Variants in TNRC6B observed in about 807,000 individuals in gnomAD.
TNRC6B encodes trinucleotide repeat containing adaptor 6B, also known as trinucleotide repeat-containing gene 6B protein.
TNRC6B carries 52 observed loss-of-function variants against 203.6 expected under a neutral mutation model. The ratio of observed to expected loss-of-function variants is 0.26; its 90% CI spans 0.20 to 0.32. The LOEUF is 0.32. Among genes scored for constraint, TNRC6B ranks in the 10% least tolerant of loss-of-function variants. The pLI is 1.00. For missense variants in TNRC6B, 1,923 were observed against 2,286.2 expected, an observed-to-expected ratio of 0.84 and a Z score of 3.24; for synonymous variants, 838 against 845.7, an observed-to-expected ratio of 0.99 and a Z score of 0.16.
In TNRC6B at chr22:40,261,954, C is replaced by T; in HGVS notation, c.238C>T (p.Pro80Ser). ...AAGGGTGGCAGTGCCGAACGGACAACCGCCAAGCGCCGCCCGCTACATGCC... is the reference window on the plus strand; with the variant it reads ...AAGGGTGGCAGTGCCGAACGGACAATCGCCAAGCGCCGCCCGCTACATGCC... ...AKRVAVPNGQ[P>S]PSAARYMPRE... Residue 80 changes from proline (P) to serine (S), a missense_variant, in exon 4 of 23, where the codon CCG (proline) becomes TCG (serine). This residue lies in a region of TNRC6B where 111 missense variants were observed against 155.3 expected (regional missense o/e 0.71). Coordinates refer to ENST00000454349, the MANE Select transcript of TNRC6B (RefSeq NM_001162501.2). 6.2e-7 allele frequency: 1 copy of T among 1,612,670 alleles called. No homozygotes were observed. The highest frequency in any genetic ancestry group is 1.3e-5 in the African/African-American group (1 of 75,034).
Position 40,160,215 on chromosome 22 carries a change from G to A in TNRC6B, c.113+4033G>A, listed in dbSNP as rs559269152. Among the ~76,000 whole-genome samples the A allele has an allele frequency of 3.0e-3, 452 of 152,122 alleles. 1 individual carries two copies. Among genetic ancestry groups the A allele is most frequent in the Non-Finnish European group, 4.7e-3 (321 of 67,992 alleles). On this transcript the variant is annotated intron_variant, in intron 4 of 23. Transcript: ENST00000301923. ...TTTTGGGCCAGGCGCGGTGACTCAC[G>A]CCTGTAATCCCAGCACTTTGGGAGG... is the stretch of plus-strand genomic sequence containing the variant.
intron 1 of TNRC6B, among the ~76,000 whole-genome samples, chr22:40,212,585 C>T (rs982581066): frequency 6.6e-6 from 1 of 152,218 alleles, no homozygotes; most frequent in African/African-American, 2.4e-5. Context: ...ATAGTGTCCT[C>T]TGTGGCTGGG....
chr22:40,132,714 C>T (rs778985513), intron 3 of TNRC6B, among the ~76,000 whole-genome samples: 73 of 148,136 alleles, frequency 4.9e-4, no homozygotes, highest in Non-Finnish European at 9.9e-4. Flanking sequence ...GAGGCCAAGG[C>T]GGGTGGATCA....
chr22:40,075,851 TC>T (rs1260670497), intron 1 of TNRC6B, among the ~76,000 whole-genome samples: 1 of 152,228 alleles, frequency 6.6e-6, no homozygotes, highest in African/African-American at 2.4e-5. Context: ...ATATGCCACT[TC>T]ATTTATAGTG....
intron 12 of TNRC6B, among the ~76,000 whole-genome samples, chr22:40,290,724 G>C (rs1259755040): frequency 6.6e-6 from 1 of 152,054 alleles, no homozygotes; most frequent in Non-Finnish European, 1.5e-5. Context: ...GCGCCTAGGA[G>C]TATAATAAGC....
Position 40,314,754 on chromosome 22 carries a change from G to T in TNRC6B, c.4679-529G>T, listed in dbSNP as rs567918586. On this transcript the variant is annotated intron_variant, in intron 19 of 22. Transcript: ENST00000454349. ...AATTGTTTCTATTCCTCACAGCACT[G>T]ATTTCGTGCCGTATGCATAGTAAGC... Among the ~76,000 whole-genome samples the T allele has an allele frequency of 1.6e-4, 25 of 152,328 alleles. 1 individual carries two copies. In the South Asian group the frequency reaches 2.3e-3, roughly 14 times the overall value.
chr22:40,093,613 G>A lies in TNRC6B; in HGVS notation c.-120-23442G>A, dbSNP rs2068165540. 2.0e-5 allele frequency among the ~76,000 whole-genome samples: 3 copies of A among 152,322 alleles called. No homozygotes were observed. In the South Asian group the frequency reaches 6.2e-4, roughly 32 times the overall value. On this transcript the variant is annotated intron_variant, in intron 1 of 23. Transcript: ENST00000301923. ...TCATCGTCAAAGTGCTGGAAGAAAAGTAACCATCTGTCAAGAATGAGGGCA... is the reference window on the plus strand; with the variant it reads ...TCATCGTCAAAGTGCTGGAAGAAAAATAACCATCTGTCAAGAATGAGGGCA...
At chr22:40,173,149 G>A (rs749206781), upstream of TNRC6B, among the ~76,000 whole-genome samples, 5 of 151,652 alleles carry the variant, frequency 3.3e-5, no homozygotes, top group African/African-American at 7.3e-5. Flanking sequence ...ATGGAGTCTC[G>A]CTCTACTGGT....
At chr22:40,179,979 G>T (rs549988750) in intron 1 of TNRC6B, among the ~76,000 whole-genome samples, 1 of 152,274 alleles carries the variant, frequency 6.6e-6, no homozygotes, top group East Asian at 1.9e-4. Context: ...AATAAATACA[G>T]AAGTGACTGT....
At chr22:40,096,470 C>T (rs2068186871) in intron 1 of TNRC6B, among the ~76,000 whole-genome samples, 2 of 152,156 alleles carry the variant, frequency 1.3e-5, no homozygotes, top group South Asian at 4.1e-4. Flanking sequence ...GTGTGATAAT[C>T]TCTTTACCTT....
At chr22:40,312,188 AC>A (rs1487050136) in intron 17 of TNRC6B, among the ~76,000 whole-genome samples, 3 of 152,192 alleles carry the variant, frequency 2.0e-5, no homozygotes, top group South Asian at 2.1e-4. Flanking sequence ...TCTTGTGAAC[AC>A]CAGAGTCCTT....
chr22:40,275,105 CTCTT>C lies in TNRC6B; in HGVS notation c.3141+1511_3141+1514del, dbSNP rs541417415. 2.7e-3 allele frequency among the ~76,000 whole-genome samples: 413 copies of C among 152,306 alleles called. 4 individuals carry two copies. Among genetic ancestry groups the C allele is most frequent in the Non-Finnish European group, 4.4e-3 (301 of 68,020 alleles). ...TATAGGACACTAATTTTGTAGATGACTCTTTCTTTTATAGCATAAGAATACAGTC... is the reference window on the plus strand; with the variant it reads ...TATAGGACACTAATTTTGTAGATGACTCTTTTATAGCATAAGAATACAGTC... On this transcript the variant is annotated intron_variant, in intron 7 of 22. Coordinates refer to ENST00000454349, the MANE Select transcript of TNRC6B (RefSeq NM_001162501.2).
intron 12 of TNRC6B, among the ~76,000 whole-genome samples, chr22:40,294,549 C>T (rs2070913723): frequency 6.6e-6 from 1 of 152,168 alleles, no homozygotes; most frequent in African/African-American, 2.4e-5. Context: ...TCCCAGTGGG[C>T]ATGAATTTAT....
upstream of TNRC6B, among the ~76,000 whole-genome samples, chr22:40,173,248 C>T (rs1452049937): frequency 6.6e-6 from 1 of 152,016 alleles, no homozygotes; most frequent in African/African-American, 2.4e-5. Context: ...AGGTGCGTGC[C>T]ACCACGCCCG....
At position 40,196,530 on chromosome 22, in the gene TNRC6B, AG is replaced by A. The variant is rs149144444; in HGVS notation, c.5+18393del. On this transcript the variant is annotated intron_variant, in intron 1 of 22. Transcript: ENST00000454349. ...TTGTTGGCACCTTTATTTGGAAGTC[AG>A]GGTAGAAAAAACAGCTTATTTGTTC... Among the ~76,000 whole-genome samples the A allele has an allele frequency of 1.9e-3, 283 of 152,148 alleles. 2 individuals carry two copies. Among genetic ancestry groups the A allele is most frequent in the Non-Finnish European group, 3.0e-3 (207 of 67,954 alleles).
intron 3 of TNRC6B, among the ~76,000 whole-genome samples, chr22:40,129,748 G>A (rs2068524851): frequency 6.6e-6 from 1 of 152,208 alleles, no homozygotes; most frequent in African/African-American, 2.4e-5. Flanking sequence ...AATGGTTACA[G>A]TGTAGGTATG....
intron 1 of TNRC6B, among the ~76,000 whole-genome samples, chr22:40,193,410 C>A (rs1219201017): frequency 6.6e-6 from 1 of 152,148 alleles, no homozygotes; most frequent in Non-Finnish European, 1.5e-5. Flanking sequence ...ATGCTGGTCT[C>A]TGGGGATAAA....
In TNRC6B at chr22:40,303,871, A is replaced by G. The variant is rs961854690; in HGVS notation, c.4120+2538A>G. Among the ~76,000 whole-genome samples, 25 of 152,214 alleles carry G rather than the reference A, an allele frequency of 1.6e-4. 1 individual carries two copies. Among genetic ancestry groups the G allele is most frequent in the Non-Finnish European group, 1.0e-4 (7 of 68,032 alleles). On this transcript the variant is annotated intron_variant, in intron 15 of 22. Transcript: ENST00000454349. ...GGTTGCAGTGAGCTGAGATCATGCC[A>G]CTGCACTCCAGCCTGGCGACAGAGC...
At chr22:40,100,695 T>C (rs978707643) in intron 1 of TNRC6B, among the ~76,000 whole-genome samples, 1 of 152,156 alleles carries the variant, frequency 6.6e-6, no homozygotes, top group African/African-American at 2.4e-5. Flanking sequence ...CTCTATACCA[T>C]TTTGTTTCAG....
Sources: gnomAD v4.1 joint callset for allele counts (sites outside exome capture counted in the v4.1 genomes callset) on GRCh38, gnomAD v4.1.1 for gene constraint, gnomAD v4.1.1 regional missense constraint, MANE v1.5 for transcripts, NCBI Gene and HGNC (gene_info 2026-07-23, HGNC 2026-07-21) for gene names.